PCDHA8: variants seen among roughly 807,000 people sequenced by gnomAD.
PCDHA8 encodes protocadherin alpha-8.
In PCDHA8, 53 loss-of-function variants were observed where a neutral mutation model predicts 61.8. The observed-to-expected ratio is 0.86, with a 90% CI of 0.69 to 1.08. PCDHA8 has a LOEUF of 1.08. Ranked by LOEUF, PCDHA8 falls within the 50% of genes least tolerant of loss-of-function variation. The pLI, the probability that PCDHA8 is intolerant of heterozygous loss-of-function variation, is 0.00. For missense variants in PCDHA8, 1,293 were observed against 1,245.0 expected (o/e 1.04, Z -0.58); for synonymous variants, 618 against 556.6 (o/e 1.11, Z -1.55).
At chr5:140,883,219 A>G (rs1416740017) in intron 1 of PCDHA8, 1 of 1,613,942 alleles carries the variant, frequency 6.2e-7, no homozygotes, top group Non-Finnish European at 8.5e-7. Flanking sequence ...AATTATATGA[A>G]ATATCCGTGG....
chr5:140,995,086 T>C (rs1182368049), intron 3 of PCDHA8, among the ~76,000 whole-genome samples: 2 of 152,246 alleles, frequency 1.3e-5, no homozygotes, highest in African/African-American at 4.8e-5. Context: ...TCCAAACTTA[T>C]CTGTGGAGAT....
At chr5:140,991,590 G>A (rs1211923014) in intron 3 of PCDHA8, among the ~76,000 whole-genome samples, 2 of 152,098 alleles carry the variant, frequency 1.3e-5, no homozygotes, top group Non-Finnish European at 2.9e-5. Context: ...ATTTCTACCT[G>A]AGCCCTCACT....
chr5:140,852,930 G>A (rs1581296305), intron 1 of PCDHA8: 1 of 621,568 alleles, frequency 1.6e-6, no homozygotes, highest in East Asian at 1.3e-4. Context: ...CCAGGCTGGA[G>A]TGCAGTGGTG....
intron 1 of PCDHA8, among the ~76,000 whole-genome samples, chr5:140,939,697 A>G (rs1327140175): frequency 6.6e-6 from 1 of 152,232 alleles, no homozygotes; most frequent in African/African-American, 2.4e-5. Context: ...GCTGGACATT[A>G]TCATTTGTGA....
chr5:140,935,380 A>C (rs1188418457), intron 1 of PCDHA8, among the ~76,000 whole-genome samples: 1 of 152,220 alleles, frequency 6.6e-6, no homozygotes, highest in Non-Finnish European at 1.5e-5. Context: ...AGAATTACTC[A>C]TTTGTTATCC....
intron 1 of PCDHA8, chr5:140,851,766 T>G: frequency 2.1e-6 from 2 of 968,988 alleles, no homozygotes; most frequent in Non-Finnish European, 2.5e-6. Flanking sequence ...AACATTACCC[T>G]TATGAATTTA....
Position 140,843,142 on chromosome 5 carries a change from T to G in PCDHA8, c.1821T>G (p.Leu607=), listed in dbSNP as rs1778605767. The G allele has an allele frequency of 6.3e-7, 1 of 1,595,790 alleles. No homozygotes were observed. The highest frequency in any genetic ancestry group is 2.2e-5 in the East Asian group (1 of 44,818). ...CCGACTCGGGCTACAACGCGTGGCT[T>G]TCGTATGAGCTGCAGCCAGCTGCAA... ...VDADSGYNAW[L]SYELQPAASS... The change falls in exon 1 of 4, where the codon CTT becomes CTG. Residue 607 remains leucine, a synonymous_variant. Transcript: ENST00000531613.
chr5:140,994,317 T>A (rs1053879490), intron 3 of PCDHA8, among the ~76,000 whole-genome samples: 7 of 152,086 alleles, frequency 4.6e-5, no homozygotes, highest in African/African-American at 1.7e-4. Flanking sequence ...GCCCAAACAC[T>A]CTCAGCAACC....
At chr5:140,845,204 TAA>T (rs1554140859) in intron 1 of PCDHA8, among the ~76,000 whole-genome samples, 1 of 149,338 alleles carries the variant, frequency 6.7e-6, no homozygotes, top group Non-Finnish European at 1.5e-5. Flanking sequence ...TGTTTTCATT[TAA>T]GTCCTTTTAA....
chr5:140,974,330 A>G (rs542172748), intron 1 of PCDHA8, among the ~76,000 whole-genome samples: 1 of 152,346 alleles, frequency 6.6e-6, no homozygotes, highest in African/African-American at 2.4e-5. Flanking sequence ...CTGCTGTGCT[A>G]GCAGGCTATG....
chr5:140,919,957 G>GC (rs2079372992), intron 1 of PCDHA8, among the ~76,000 whole-genome samples: 1 of 148,640 alleles, frequency 6.7e-6, no homozygotes, highest in Non-Finnish European at 1.5e-5. Flanking sequence ...AGTTTGTTTT[G>GC]TTTTTTAAAT....
intron 1 of PCDHA8, among the ~76,000 whole-genome samples, chr5:140,943,822 A>T (rs2093570990): frequency 6.6e-6 from 1 of 152,220 alleles, no homozygotes; most frequent in Non-Finnish European, 1.5e-5. Context: ...GAAGAAAATG[A>T]GTTGATTGAA....
intron 1 of PCDHA8, chr5:140,877,395 C>T (rs375548936): frequency 4.3e-6 from 7 of 1,613,958 alleles, no homozygotes; most frequent in Middle Eastern, 1.6e-4. Flanking sequence ...ATGAGGCGGA[C>T]GCTCCGCGCC....
chr5:140,881,465 G>A, intron 1 of PCDHA8: 1 of 597,254 alleles, frequency 1.7e-6, no homozygotes, highest in Non-Finnish European at 2.1e-6. Flanking sequence ...TTAGAGCATT[G>A]TTGTGGCTAA....
In PCDHA8 at chr5:140,842,605, G is replaced by T. The variant is rs1198033528; in HGVS notation, c.1284G>T (p.Arg428=). ...VSAYELVVTA[R]DGGSPSLWAT... The stretch of plus-strand genomic sequence containing the variant: ...CCTATGAGTTGGTGGTAACCGCGCG[G>T]GACGGGGGCTCGCCTTCGCTGTGGG... Residue 428 remains arginine (R), a synonymous_variant, in exon 1 of 4, where the codon CGG becomes CGT. Coordinates refer to ENST00000531613, the MANE Select transcript of PCDHA8 (RefSeq NM_018911.3). 1.3e-6 allele frequency: 2 copies of T among 1,550,578 alleles called. No individual in the cohort carries two copies. The highest frequency in any genetic ancestry group is 2.9e-5 in the African/African-American group (2 of 69,318).
intron 1 of PCDHA8, among the ~76,000 whole-genome samples, chr5:140,954,531 G>A (rs564993313): frequency 4.6e-5 from 7 of 152,218 alleles, no homozygotes; most frequent in African/African-American, 1.4e-4. Context: ...GTGATGTTGA[G>A]GTTTTTTTCA....
intron 1 of PCDHA8, among the ~76,000 whole-genome samples, chr5:140,937,780 C>T (rs1459266022): frequency 3.3e-5 from 5 of 151,656 alleles, no homozygotes; most frequent in African/African-American, 7.3e-5. Flanking sequence ...GGCGTGGTGG[C>T]GGGCGTATGT....
chr5:140,857,527 G>T (rs147361555), intron 1 of PCDHA8: 13 of 1,597,684 alleles, frequency 8.1e-6, no homozygotes, highest in Non-Finnish European at 1.1e-5. Flanking sequence ...CCTACTCTCT[G>T]GTGGAGCGGC....
chr5:140,861,872 G>T (rs1554155357), intron 1 of PCDHA8: 1 of 155,960 alleles, frequency 6.4e-6, no homozygotes, highest in Non-Finnish European at 1.4e-5. Context: ...TGATGGGGGC[G>T]AAGCTGAGCT....
Sources: allele counts gnomAD v4.1 joint callset (sites outside exome capture counted in the v4.1 genomes callset), GRCh38; gene constraint gnomAD v4.1.1; transcripts MANE v1.5; gene names NCBI Gene and HGNC (gene_info 2026-07-23, HGNC 2026-07-21).